CSMD1: variants seen among roughly 807,000 people sequenced by gnomAD.
CSMD1 encodes CUB and Sushi multiple domains 1, also known as CUB and sushi domain-containing protein 1.
A neutral mutation model predicts 417.5 loss-of-function variants in CSMD1; 213 were observed. That is an observed-to-expected ratio of 0.51 (90% CI 0.46 to 0.57). CSMD1 has a LOEUF of 0.57. Among genes scored for constraint, CSMD1 ranks in the 20% least tolerant of loss-of-function variants. The pLI, the probability that CSMD1 is intolerant of heterozygous loss-of-function variation, is 0.00. For synonymous variants in CSMD1, 2,862 were observed against 1,736.8 expected (o/e 1.65, Z -16.11); for missense variants, 6,923 against 4,529.7 (o/e 1.53, Z -15.17).
At chr8:4,520,788 G>C (rs1483331418) in intron 2 of CSMD1, among the ~76,000 whole-genome samples, 1 of 152,072 alleles carries the variant, frequency 6.6e-6, no homozygotes, top group African/African-American at 2.4e-5. Flanking sequence ...TTATTGCAAT[G>C]AAAATTTGAA....
intron 25 of CSMD1, among the ~76,000 whole-genome samples, chr8:3,303,128 T>C (rs930110986): frequency 1.3e-5 from 2 of 152,226 alleles, no homozygotes; most frequent in Admixed American, 6.5e-5. Flanking sequence ...GTGATGTTGA[T>C]AGGAATGGAG....
At chr8:3,108,561 T>G in intron 44 of CSMD1, 42 bp downstream of exon 44, 2 of 1,603,890 alleles carry the variant, frequency 1.2e-6, no homozygotes, top group South Asian at 1.1e-5. Context: ...AAACACCACA[T>G]GGAATTCTCA....
chr8:4,022,910 G>T (rs969488833), intron 4 of CSMD1, among the ~76,000 whole-genome samples: 2 of 152,214 alleles, frequency 1.3e-5, no homozygotes, highest in African/African-American at 2.4e-5. Flanking sequence ...TGTGATGAAA[G>T]CAAGTGTGCA....
chr8:3,614,749 G>A (rs941760579), intron 8 of CSMD1, among the ~76,000 whole-genome samples: 1 of 152,206 alleles, frequency 6.6e-6, no homozygotes, highest in East Asian at 1.9e-4. Context: ...ATCACACATA[G>A]ATGAGTTTCT....
At chr8:4,360,452 C>A (rs1801687078) in intron 3 of CSMD1, among the ~76,000 whole-genome samples, 1 of 152,106 alleles carries the variant, frequency 6.6e-6, no homozygotes, top group African/African-American at 2.4e-5. Flanking sequence ...ATAGAAGAGC[C>A]CGTTATCATA....
intron 1 of CSMD1, among the ~76,000 whole-genome samples, chr8:4,847,209 A>T (rs1214272605): frequency 1.3e-5 from 2 of 152,182 alleles, no homozygotes; most frequent in Non-Finnish European, 2.9e-5. Flanking sequence ...TCACTATATG[A>T]AATTAATTAA....
At chr8:3,117,123 G>T (rs986198442) in intron 42 of CSMD1, among the ~76,000 whole-genome samples, 4 of 151,894 alleles carry the variant, frequency 2.6e-5, no homozygotes, top group Admixed American at 2.0e-4. Flanking sequence ...CAGGCTGGAG[G>T]GCAGTGGCAC....
At chr8:3,986,376 C>T (rs1057299168) in intron 5 of CSMD1, among the ~76,000 whole-genome samples, 2 of 152,178 alleles carry the variant, frequency 1.3e-5, no homozygotes, top group Admixed American at 1.3e-4. Context: ...CCCCAGCCAA[C>T]CTTCCTAACC....
rs10090097 is a variant in CSMD1 at position 4,564,410 on chromosome 8, C to G, written c.302+72932G>C. Among the ~76,000 whole-genome samples the G allele has an allele frequency of 6.2e-4, 94 of 152,026 alleles. No individual in the cohort carries two copies. The Middle Eastern group carries it at 0.01, about 17-fold the overall frequency. On this transcript the variant is annotated intron_variant, in intron 2 of 69. Transcript: ENST00000635120. ...AATATGTGTTGCTCACTGTTCTGGA[C>G]AGTGGAAATTCAAGATCAAGGTGCC...
At chr8:2,978,178 T>C (rs1025825469) in intron 55 of CSMD1, among the ~76,000 whole-genome samples, 16 of 152,170 alleles carry the variant, frequency 1.1e-4, no homozygotes, top group African/African-American at 3.6e-4. Flanking sequence ...TCTTTGGCCG[T>C]AGATGCCAGG....
At chr8:4,061,128 G>A (rs761415234) in intron 3 of CSMD1, among the ~76,000 whole-genome samples, 6 of 152,178 alleles carry the variant, frequency 3.9e-5, no homozygotes, top group South Asian at 2.1e-4. Flanking sequence ...ATGGGCTCCA[G>A]CAGGCTCATC....
In CSMD1 at chr8:3,313,742, C is replaced by T. The variant is rs563510938; in HGVS notation, c.3632-5239G>A. Reference sequence around the variant, plus strand: ...CCTCAGGGATCTAGAACTAGAAATACCATTTGACCCAGCCATCCCATTACT... The same window carrying T: ...CCTCAGGGATCTAGAACTAGAAATATCATTTGACCCAGCCATCCCATTACT... On this transcript the variant is annotated intron_variant, in intron 23 of 69. Coordinates refer to ENST00000635120, the MANE Select transcript of CSMD1 (RefSeq NM_033225.6). 3.1e-3 allele frequency among the ~76,000 whole-genome samples: 470 copies of T among 152,272 alleles called. 2 individuals carry two copies. Among genetic ancestry groups the T allele is most frequent in the South Asian group, 0.011 (51 of 4,814 alleles).
At chr8:4,185,022 C>T (rs533715835) in intron 3 of CSMD1, among the ~76,000 whole-genome samples, 1 of 151,062 alleles carries the variant, frequency 6.6e-6, no homozygotes, top group South Asian at 2.1e-4. Flanking sequence ...GCCTTTAATC[C>T]CAGCTACTTG....
chr8:4,788,719 C>T lies in CSMD1; in HGVS notation c.86-151161G>A, dbSNP rs1468103051. 2.6e-5 allele frequency: 12 copies of T among 466,960 alleles called. No individual in the cohort carries two copies. In the Admixed American group the frequency reaches 4.1e-4, roughly 16 times the overall value. The allele number at this position is 466,960 out of a possible 1,614,324, so 28.9% of individuals were successfully genotyped here. Reference sequence around the variant, plus strand: ...AAAATGTATTAGTGAATCAATGCTTCTCTAGATCCATACTAATAAACATGA... The same window carrying T: ...AAAATGTATTAGTGAATCAATGCTTTTCTAGATCCATACTAATAAACATGA... On this transcript the variant is annotated intron_variant, in intron 1 of 69. Transcript: ENST00000635120.
intron 3 of CSMD1, among the ~76,000 whole-genome samples, chr8:4,415,839 G>A (rs1168046260): frequency 2.6e-5 from 4 of 152,164 alleles, no homozygotes; most frequent in Admixed American, 6.6e-5. Flanking sequence ...GTGTATGTGT[G>A]TATACGTAAA....
intron 5 of CSMD1, among the ~76,000 whole-genome samples, chr8:3,932,151 T>G (rs930878924): frequency 6.7e-6 from 1 of 150,280 alleles, no homozygotes; most frequent in African/African-American, 2.5e-5. Context: ...AGGACAGTGC[T>G]GGAATGAAAC....
intron 1 of CSMD1, among the ~76,000 whole-genome samples, chr8:4,638,533 T>A (rs963896702): frequency 6.6e-6 from 1 of 152,226 alleles, no homozygotes; most frequent in African/African-American, 2.4e-5. Context: ...TATTGATGTC[T>A]ACCCGTTCAC....
chr8:4,618,249 A>C (rs550861606), intron 2 of CSMD1, among the ~76,000 whole-genome samples: 1 of 152,128 alleles, frequency 6.6e-6, no homozygotes, highest in South Asian at 2.1e-4. Flanking sequence ...CAGACCTCAT[A>C]AATGTGCTTC....
chr8:4,599,574 A>C (rs904125806), intron 2 of CSMD1, among the ~76,000 whole-genome samples: 21 of 152,224 alleles, frequency 1.4e-4, no homozygotes, highest in African/African-American at 5.1e-4. Flanking sequence ...TTGATAAGTT[A>C]CGTCAACGAA....
Sources: gnomAD v4.1 joint callset for allele counts (sites outside exome capture counted in the v4.1 genomes callset) on GRCh38, gnomAD v4.1.1 for gene constraint, MANE v1.5 for transcripts, NCBI Gene and HGNC (gene_info 2026-07-23, HGNC 2026-07-21) for gene names.